KIAA1217: variants seen among roughly 807,000 people sequenced by gnomAD.
KIAA1217 encodes KIAA1217, also known as sickle tail protein homolog.
KIAA1217 carries 88 observed loss-of-function variants against 163.9 expected under a neutral mutation model. The observed-to-expected ratio is 0.54, with a 90% CI of 0.45 to 0.64. KIAA1217 has a LOEUF of 0.64. KIAA1217 is among the 30% of genes least tolerant of loss of function. KIAA1217 has a pLI of 0.00. For synonymous variants in KIAA1217, 903 were observed against 923.1 expected (o/e 0.98, Z 0.39); for missense variants, 2,372 against 2,475.0 (o/e 0.96, Z 0.88).
intron 1 of KIAA1217, among the ~76,000 whole-genome samples, chr10:23,707,000 T>G (rs1049086071): frequency 3.3e-5 from 5 of 152,322 alleles, no homozygotes; most frequent in African/African-American, 1.2e-4. Flanking sequence ...TCTGTTCTTT[T>G]TATACACATA....
intron 2 of KIAA1217, among the ~76,000 whole-genome samples, chr10:24,245,112 C>T (rs761269625): frequency 3.9e-5 from 6 of 152,076 alleles, no homozygotes; most frequent in Non-Finnish European, 7.4e-5. Context: ...CTTGCAGCAC[C>T]GGGAGTCTAT....
rs16924165 is a variant in KIAA1217, at chr10:23,975,120, T to A, written c.-320-32105T>A. On this transcript the variant is annotated intron_variant, in intron 1 of 18. Transcript: ENST00000376462. ...GAGCTAAGGAGATGGCATGCCAATGTCCCTACTTTTTACATGGGAAATGTG... is the reference window on the plus strand; with the variant it reads ...GAGCTAAGGAGATGGCATGCCAATGACCCTACTTTTTACATGGGAAATGTG... 8.2e-3 allele frequency among the ~76,000 whole-genome samples: 1,251 copies of A among 152,288 alleles called. 16 individuals are homozygous for A. The highest frequency in any genetic ancestry group is 0.029 in the African/African-American group (1,203 of 41,560).
chr10:23,785,363 C>A (rs938658753), intron 1 of KIAA1217, among the ~76,000 whole-genome samples: 7 of 152,084 alleles, frequency 4.6e-5, no homozygotes, highest in Non-Finnish European at 8.8e-5. Flanking sequence ...AATCAGGTAC[C>A]CCCTTACCCC....
chr10:24,128,991 G>A (rs957456288), intron 2 of KIAA1217, among the ~76,000 whole-genome samples: 1 of 152,206 alleles, frequency 6.6e-6, no homozygotes, highest in Non-Finnish European at 1.5e-5. Context: ...TTTAGTCGGA[G>A]TGCATTTCCC....
intron 6 of KIAA1217, among the ~76,000 whole-genome samples, chr10:24,480,595 A>G (rs2064555835): frequency 6.6e-6 from 1 of 152,198 alleles, no homozygotes. Flanking sequence ...GCAACAACTC[A>G]TTACAGTTCA....
intron 1 of KIAA1217, among the ~76,000 whole-genome samples, chr10:23,894,912 T>G (rs2131225196): frequency 6.6e-6 from 1 of 152,144 alleles, no homozygotes; most frequent in South Asian, 2.1e-4. Flanking sequence ...ATTTAATAAA[T>G]GGTGCTGGGA....
At chr10:23,923,069 A>G (rs11013788) in intron 1 of KIAA1217, among the ~76,000 whole-genome samples, 30,865 of 151,984 alleles carry the variant, frequency 0.2, 3,416 homozygotes, top group Middle Eastern at 0.27. Flanking sequence ...TGTACCCAAT[A>G]TGTAGTCTTT....
intron 2 of KIAA1217, among the ~76,000 whole-genome samples, chr10:24,165,256 G>C (rs1387180939): frequency 6.6e-6 from 1 of 152,166 alleles, no homozygotes; most frequent in African/African-American, 2.4e-5. Flanking sequence ...GGATCCACTT[G>C]TATCTGTAAG....
At chr10:24,048,662 A>G (rs897332365) in intron 2 of KIAA1217, among the ~76,000 whole-genome samples, 2 of 151,556 alleles carry the variant, frequency 1.3e-5, no homozygotes, top group Non-Finnish European at 2.9e-5. Context: ...TCTGGGAGGC[A>G]GAGGTTGCAG....
chr10:24,346,568 CTTTTTTTTTTTT>C (rs1177259021), intron 2 of KIAA1217, among the ~76,000 whole-genome samples: 1 of 121,022 alleles, frequency 8.3e-6, no homozygotes, highest in South Asian at 2.7e-4. Context: ...TTTGTTGGCC[CTTTTTTTTTTTT>C]TTTTTTTTGG....
At chr10:24,055,729 T>A (rs1306894106) in intron 2 of KIAA1217, among the ~76,000 whole-genome samples, 1 of 152,138 alleles carries the variant, frequency 6.6e-6, no homozygotes, top group Non-Finnish European at 1.5e-5. Flanking sequence ...CGATAAAACT[T>A]CTATTTACAT....
intron 2 of KIAA1217, among the ~76,000 whole-genome samples, chr10:24,021,184 A>T (rs1312518817): frequency 2.6e-5 from 4 of 151,996 alleles, no homozygotes; most frequent in African/African-American, 7.2e-5. Flanking sequence ...ATAATCAATT[A>T]TGTATGTAGA....
chr10:24,492,947 G>A (rs983983953), intron 6 of KIAA1217, among the ~76,000 whole-genome samples: 5 of 151,902 alleles, frequency 3.3e-5, no homozygotes, highest in African/African-American at 9.7e-5. Context: ...CCAGGTTCCC[G>A]TGATTCTCCT....
In KIAA1217 at chr10:24,473,920, G is replaced by A; in HGVS notation, c.1539G>A (p.Lys513=). Residue 513 remains lysine, a synonymous_variant, in exon 6 of 21, where the codon AAG becomes AAA. Coordinates refer to ENST00000376454, the MANE Select transcript of KIAA1217 (RefSeq NM_019590.5). ...CTCCGAGCCGCCAGGCCTTTAAAAA[G>A]GAGCCAGGCACCTTGGTGTATATAG... The part of the protein sequence containing the change: ...RASPSRQAFK[K]EPGTLVYIEK... The A allele has an allele frequency of 6.2e-7, 1 of 1,614,156 alleles. No homozygotes were observed. The highest frequency in any genetic ancestry group is 8.5e-7 in the Non-Finnish European group (1 of 1,180,032).
At chr10:24,528,146 A>T (rs2072485569) in intron 14 of KIAA1217, 27 bp downstream of exon 14, 2 of 1,608,198 alleles carry the variant, frequency 1.2e-6, no homozygotes, top group Non-Finnish European at 1.7e-6. Context: ...CAGCAGGAAT[A>T]TATGGAGGTA....
intron 1 of KIAA1217, among the ~76,000 whole-genome samples, chr10:23,726,792 T>C (rs1442977619): frequency 6.6e-6 from 1 of 152,136 alleles, no homozygotes; most frequent in Admixed American, 6.5e-5. Context: ...AAAAGACACT[T>C]GAGCATGAGT....
intron 1 of KIAA1217, among the ~76,000 whole-genome samples, chr10:23,993,284 G>A (rs540253006): frequency 9.9e-4 from 150 of 151,698 alleles, no homozygotes; most frequent in Non-Finnish European, 1.9e-3. Flanking sequence ...CACCTGCCTC[G>A]CCCTCCCAAA....
At chr10:24,470,073 G>A (rs2063339127) in intron 5 of KIAA1217, among the ~76,000 whole-genome samples, 1 of 152,142 alleles carries the variant, frequency 6.6e-6, no homozygotes, top group Admixed American at 6.5e-5. Flanking sequence ...TGTTTTGGTT[G>A]GTTATTGCAT....
In KIAA1217 at chr10:24,344,337, G is replaced by A. The variant is rs76258529; in HGVS notation, c.355-36532G>A. Among the ~76,000 whole-genome samples the A allele has an allele frequency of 7.3e-3, 1,114 of 152,260 alleles. 15 individuals carry two copies. The highest frequency in any genetic ancestry group is 0.026 in the African/African-American group (1,062 of 41,542). On this transcript the variant is annotated intron_variant, in intron 2 of 20. Coordinates refer to ENST00000376454, the MANE Select transcript of KIAA1217 (RefSeq NM_019590.5). The stretch of plus-strand genomic sequence containing the variant: ...TAGACAATCAGACAGAAAACTGTTC[G>A]TATTTCTTGCGCTTTGTCTTTTAGA...
Sources: gnomAD v4.1 joint callset for allele counts (sites outside exome capture counted in the v4.1 genomes callset) on GRCh38, gnomAD v4.1.1 for gene constraint, MANE v1.5 for transcripts, NCBI Gene and HGNC (gene_info 2026-07-23, HGNC 2026-07-21) for gene names.